GFRA2: variants seen among roughly 807,000 people sequenced by gnomAD.
The protein encoded by GFRA2 is GDNF family receptor alpha-2.
A neutral mutation model predicts 48.3 loss-of-function variants in GFRA2; 17 were observed. That is an observed-to-expected ratio of 0.35 (90% CI 0.24 to 0.53). The LOEUF (loss-of-function observed/expected upper bound fraction) is 0.53, where lower values mean the gene tolerates loss of function less well. Ranked by LOEUF, GFRA2 falls within the 20% of genes least tolerant of loss-of-function variation. GFRA2 has a pLI of 0.93. For synonymous variants in GFRA2, 305 were observed against 257.2 expected, an observed-to-expected ratio of 1.19 and a Z score of -1.78; for missense variants, 660 against 637.3, an observed-to-expected ratio of 1.04 and a Z score of -0.38.
intron 1 of GFRA2, 131 bp from the exon 2 acceptor site, chr8:21,783,030 T>C (rs1424910458): frequency 2.4e-6 from 2 of 844,656 alleles, no homozygotes; most frequent in Non-Finnish European, 3.9e-6. Context: ...AAGGCGACTC[T>C]GTGGGACAGC....
chr8:21,723,625 A>G (rs1280210626), intron 4 of GFRA2, among the ~76,000 whole-genome samples: 2 of 152,206 alleles, frequency 1.3e-5, no homozygotes, highest in Non-Finnish European at 2.9e-5. Flanking sequence ...CCACCCTCTG[A>G]TTCTCTCCAG....
chr8:21,749,333 T>G (rs1805163172), intron 4 of GFRA2, among the ~76,000 whole-genome samples: 1 of 152,034 alleles, frequency 6.6e-6, no homozygotes, highest in African/African-American at 2.4e-5. Flanking sequence ...GGACCTACGT[T>G]ATGTCATCTA....
At chr8:21,796,644 A>C (rs1327003485) in intron 2 of GFRA2, among the ~76,000 whole-genome samples, 2 of 152,150 alleles carry the variant, frequency 1.3e-5, no homozygotes, top group African/African-American at 4.8e-5. Flanking sequence ...CTACCCTCTC[A>C]CCTTGACCTT....
intron 4 of GFRA2, among the ~76,000 whole-genome samples, chr8:21,721,931 T>C (rs1803619280): frequency 6.6e-6 from 1 of 152,160 alleles, no homozygotes; most frequent in South Asian, 2.1e-4. Context: ...TAGAGAAAAC[T>C]GCGTAGACAA....
chr8:21,694,077 T>TATATATATATATATATATTTATTTATTTA (rs1338101835), intron 8 of GFRA2, among the ~76,000 whole-genome samples: 1 of 109,294 alleles, frequency 9.1e-6, no homozygotes, highest in Non-Finnish European at 2.0e-5. Flanking sequence ...TTATTTATTT[T>TATATATATATATATATATTTATTTATTTA]TATATATATA....
At chr8:21,805,449 C>T (rs1807842375) in intron 1 of GFRA2, among the ~76,000 whole-genome samples, 2 of 152,194 alleles carry the variant, frequency 1.3e-5, no homozygotes, top group Non-Finnish European at 2.9e-5. Flanking sequence ...TTACCAATTA[C>T]AGGGGTTATG....
chr8:21,721,796 C>T (rs905093553), intron 4 of GFRA2, among the ~76,000 whole-genome samples: 5 of 152,118 alleles, frequency 3.3e-5, no homozygotes, highest in African/African-American at 1.2e-4. Flanking sequence ...CCCACCACAT[C>T]CCAGACCCAC....
At chr8:21,703,095 G>T in intron 6 of GFRA2, 118 bp from the exon 7 acceptor site, 1 of 606,978 alleles carries the variant, frequency 1.6e-6, no homozygotes, top group Non-Finnish European at 2.8e-6. Context: ...CCAGAAGCCA[G>T]GACAGGGCAT....
chr8:21,723,418 G>C (rs1435042042), intron 4 of GFRA2, among the ~76,000 whole-genome samples: 1 of 152,202 alleles, frequency 6.6e-6, no homozygotes, highest in African/African-American at 2.4e-5. Context: ...GGCAGACCCA[G>C]GAAGAGAAGG....
chr8:21,746,885 C>T (rs1423963098), intron 4 of GFRA2, among the ~76,000 whole-genome samples: 2 of 152,166 alleles, frequency 1.3e-5, no homozygotes, highest in Non-Finnish European at 2.9e-5. Context: ...TACCCTGCTC[C>T]AAACTCCCCC....
At chr8:21,800,216 A>C (rs1415068283) in intron 2 of GFRA2, among the ~76,000 whole-genome samples, 1 of 152,194 alleles carries the variant, frequency 6.6e-6, no homozygotes, top group African/African-American at 2.4e-5. Context: ...AATCTCAATC[A>C]ATCACTGAAT....
At chr8:21,711,688 CTT>C (rs1198915473) in intron 4 of GFRA2, among the ~76,000 whole-genome samples, 24 of 132,462 alleles carry the variant, frequency 1.8e-4, no homozygotes, top group African/African-American at 1.5e-4. Flanking sequence ...AACAGTTTTT[CTT>C]TTTTTTTTTT....
chr8:21,802,767 T>C lies in GFRA2; in HGVS notation c.-36+2250A>G, dbSNP rs867678347. The stretch of plus-strand genomic sequence containing the variant: ...AAGCTATGGTGGTAGAATTATGGTA[T>C]AGTGGGGAGAAGGATTGACTGAATA... On this transcript the variant is annotated intron_variant, in intron 2 of 10. Transcript: ENST00000517328. Among the ~76,000 whole-genome samples, 722 of 152,268 alleles carry C rather than the reference T, an allele frequency of 4.7e-3. 5 individuals carry two copies. Among genetic ancestry groups the C allele is most frequent in the African/African-American group, 0.016 (652 of 41,538 alleles).
intron 2 of GFRA2, among the ~76,000 whole-genome samples, chr8:21,778,064 C>A (rs969887742): frequency 4.6e-5 from 7 of 152,334 alleles, no homozygotes; most frequent in Non-Finnish European, 1.0e-4. Context: ...CGGAGCACAG[C>A]CCCATGGTAA....
chr8:21,773,132 G>C (rs1806516595), intron 3 of GFRA2, among the ~76,000 whole-genome samples: 2 of 152,240 alleles, frequency 1.3e-5, no homozygotes, highest in Non-Finnish European at 2.9e-5. Flanking sequence ...AACTCATCAG[G>C]AAATGTGAGA....
At chr8:21,711,333 G>C (rs1433170227) in intron 4 of GFRA2, among the ~76,000 whole-genome samples, 1 of 152,128 alleles carries the variant, frequency 6.6e-6, no homozygotes, top group Non-Finnish European at 1.5e-5. Context: ...GAGAGGAACA[G>C]ATAGGAAAAA....
intron 4 of GFRA2, among the ~76,000 whole-genome samples, chr8:21,745,144 C>A (rs1050654506): frequency 3.9e-5 from 6 of 152,196 alleles, no homozygotes; most frequent in African/African-American, 1.4e-4. Context: ...AAATCTCACA[C>A]GGGTGACGGA....
At chr8:21,720,122 C>G (rs541655277) in intron 4 of GFRA2, among the ~76,000 whole-genome samples, 1 of 148,184 alleles carries the variant, frequency 6.7e-6, no homozygotes, top group Non-Finnish European at 1.5e-5. Flanking sequence ...CATATTGTTA[C>G]AAAGATTCAG....
At chr8:21,710,810 A>G (rs1802985322) in intron 4 of GFRA2, among the ~76,000 whole-genome samples, 1 of 152,248 alleles carries the variant, frequency 6.6e-6, no homozygotes, top group Non-Finnish European at 1.5e-5. Flanking sequence ...GAAGCAGCTA[A>G]GCCTTCTGTT....
Sources: allele counts gnomAD v4.1 joint callset (sites outside exome capture counted in the v4.1 genomes callset), GRCh38; gene constraint gnomAD v4.1.1; transcripts MANE v1.5; gene names NCBI Gene and HGNC (gene_info 2026-07-23, HGNC 2026-07-21).